The following ABCC1 variants were observed in gnomAD, a reference collection of about 807,000 sequenced individuals.
ABCC1 encodes the protein ATP binding cassette subfamily C member 1 (ABCC1 blood group), also known as multidrug resistance-associated protein 1.
ABCC1 carries 83 observed loss-of-function variants against 172.9 expected under a neutral mutation model. The observed-to-expected ratio is 0.48, with a 90% CI of 0.40 to 0.58. The LOEUF (loss-of-function observed/expected upper bound fraction) is 0.58, where lower values mean the gene tolerates loss of function less well. Among genes scored for constraint, ABCC1 ranks in the 20% least tolerant of loss-of-function variants. The pLI, the probability that ABCC1 is intolerant of heterozygous loss-of-function variation, is 0.00. For missense variants in ABCC1, 1,817 were observed against 2,002.7 expected (o/e 0.91, Z 1.77); for synonymous variants, 937 against 825.2 (o/e 1.14, Z -2.32).
intron 1 of ABCC1, among the ~76,000 whole-genome samples, chr16:15,984,665 C>T (rs1167674547): frequency 5.9e-5 from 9 of 151,958 alleles, no homozygotes; most frequent in South Asian, 4.1e-4. Flanking sequence ...GGGCTGGTCT[C>T]GAACCCCTGA....
chr16:15,974,172 G>A (rs2046432363), intron 1 of ABCC1, among the ~76,000 whole-genome samples: 1 of 152,170 alleles, frequency 6.6e-6, no homozygotes. Context: ...AGGAATCAGG[G>A]CCTCTTGGTG....
chr16:15,966,181 G>A lies in ABCC1; in HGVS notation c.48+16382G>A, dbSNP rs573275923. Among the ~76,000 whole-genome samples the A allele has an allele frequency of 2.4e-4, 36 of 152,106 alleles. No individual in the cohort carries two copies. The South Asian group carries it at 5.8e-3, about 25-fold the overall frequency. On this transcript the variant is annotated intron_variant, in intron 1 of 30. Coordinates refer to ENST00000399410, the MANE Select transcript of ABCC1 (RefSeq NM_004996.4). ...TGTAATCCTAGCACTTTGGGAGGCC[G>A]AGGTGGGCGGATCACGAGGTCAGGA... is the stretch of plus-strand genomic sequence containing the variant.
intron 23 of ABCC1, among the ~76,000 whole-genome samples, chr16:16,117,994 T>C (rs911126277): frequency 6.6e-6 from 1 of 152,322 alleles, no homozygotes; most frequent in African/African-American, 2.4e-5. Context: ...GAAACGGTTA[T>C]ATGTTCTTTG....
chr16:16,041,768 AC>A (rs2048986925), intron 7 of ABCC1, among the ~76,000 whole-genome samples: 1 of 151,928 alleles, frequency 6.6e-6, no homozygotes, highest in Non-Finnish European at 1.5e-5. Flanking sequence ...GGATCCTTTT[AC>A]CACCTCTCTT....
At chr16:15,965,717 C>T (rs1217519413) in intron 1 of ABCC1, among the ~76,000 whole-genome samples, 1 of 152,092 alleles carries the variant, frequency 6.6e-6, no homozygotes, top group Non-Finnish European at 1.5e-5. Flanking sequence ...CTGCCTCAGC[C>T]GCTGGAGTAG....
chr16:16,090,097 T>C lies in ABCC1; in HGVS notation c.2461-308T>C, dbSNP rs1203894561. 2.0e-5 allele frequency among the ~76,000 whole-genome samples: 3 copies of C among 152,186 alleles called. No homozygotes were observed. In the East Asian group the frequency reaches 5.8e-4, roughly 29 times the overall value. On this transcript the variant is annotated intron_variant, in intron 18 of 30. Coordinates refer to ENST00000399410, the MANE Select transcript of ABCC1 (RefSeq NM_004996.4). ...TGTTTTTGCCATTCAGCAAGCACTA[T>C]TCTACTAGTGTTCGTTTCTCCTGCG...
chr16:16,033,492 T>C (rs2048629367), intron 6 of ABCC1, among the ~76,000 whole-genome samples: 1 of 152,186 alleles, frequency 6.6e-6, no homozygotes, highest in Non-Finnish European at 1.5e-5. Context: ...GTATAGTTAT[T>C]ATTGACATTG....
At chr16:16,037,486 A>G (rs1243518575) in intron 7 of ABCC1, among the ~76,000 whole-genome samples, 1 of 140,238 alleles carries the variant, frequency 7.1e-6, no homozygotes, top group African/African-American at 2.5e-5. Context: ...TAACAGTAAG[A>G]AAGAAAAGCA....
At chr16:15,967,857 A>G (rs1203257309) in intron 1 of ABCC1, among the ~76,000 whole-genome samples, 1 of 152,002 alleles carries the variant, frequency 6.6e-6, no homozygotes, top group African/African-American at 2.4e-5. Flanking sequence ...CTGCTGACAT[A>G]TACATATTTT....
At chr16:15,969,854 T>A (rs1166040718) in intron 1 of ABCC1, among the ~76,000 whole-genome samples, 1 of 152,054 alleles carries the variant, frequency 6.6e-6, no homozygotes, top group Non-Finnish European at 1.5e-5. Flanking sequence ...GGTGACAGTC[T>A]CTGAGGGTCC....
chr16:16,075,886 C>T (rs771442089), intron 14 of ABCC1, among the ~76,000 whole-genome samples: 14 of 152,180 alleles, frequency 9.2e-5, no homozygotes, highest in Non-Finnish European at 1.6e-4. Context: ...CGGTCTGATG[C>T]TGGCCACCCC....
chr16:16,070,740 C>G (rs1407951608), intron 13 of ABCC1, among the ~76,000 whole-genome samples: 2 of 152,128 alleles, frequency 1.3e-5, no homozygotes, highest in African/African-American at 2.4e-5. Flanking sequence ...CCTCCCTTGT[C>G]CCTCTTTCCC....
chr16:16,091,037 G>C (rs202041337), intron 19 of ABCC1, among the ~76,000 whole-genome samples: 26 of 152,230 alleles, frequency 1.7e-4, no homozygotes, highest in African/African-American at 5.3e-4. Flanking sequence ...GGTTGGTGAC[G>C]TCTGGGTTCA....
At chr16:15,955,816 G>A (rs1354038796) in intron 1 of ABCC1, among the ~76,000 whole-genome samples, 4 of 152,088 alleles carry the variant, frequency 2.6e-5, no homozygotes, top group Non-Finnish European at 4.4e-5. Flanking sequence ...CCAAAAGATC[G>A]GCTCCATAGG....
At chr16:15,991,625 G>C (rs977511460) in intron 1 of ABCC1, among the ~76,000 whole-genome samples, 4 of 149,132 alleles carry the variant, frequency 2.7e-5, no homozygotes, top group African/African-American at 7.4e-5. Context: ...TCACAAAGCA[G>C]CACCTGTACT....
intron 13 of ABCC1, among the ~76,000 whole-genome samples, chr16:16,069,151 A>T (rs1185355961): frequency 1.4e-5 from 2 of 138,656 alleles, no homozygotes; most frequent in Non-Finnish European, 3.1e-5. Flanking sequence ...GTAAAAAAAA[A>T]TAAAATAAAA....
intron 20 of ABCC1, among the ~76,000 whole-genome samples, chr16:16,102,998 C>T (rs1266140887): frequency 6.6e-6 from 1 of 152,172 alleles, no homozygotes; most frequent in African/African-American, 2.4e-5. Flanking sequence ...TGGGTCTTTG[C>T]TCAGGTCTCT....
At chr16:15,980,424 CA>C (rs2046595569) in intron 1 of ABCC1, among the ~76,000 whole-genome samples, 1 of 151,838 alleles carries the variant, frequency 6.6e-6, no homozygotes, top group Middle Eastern at 3.2e-3. Flanking sequence ...CTCACAATTC[CA>C]CAGGGCTGGG....
intron 27 of ABCC1, among the ~76,000 whole-genome samples, chr16:16,133,302 TTC>T (rs1163377654): frequency 6.6e-6 from 1 of 152,226 alleles, no homozygotes; most frequent in Non-Finnish European, 1.5e-5. Context: ...GCTCAGAACA[TTC>T]TGTTCCCAGC....
Sources: allele counts gnomAD v4.1 joint callset (sites outside exome capture counted in the v4.1 genomes callset), GRCh38; gene constraint gnomAD v4.1.1; transcripts MANE v1.5; gene names NCBI Gene and HGNC (gene_info 2026-07-23, HGNC 2026-07-21).